RHOT1: variants seen among roughly 807,000 people sequenced by gnomAD.
RHOT1 encodes the protein ras homolog family member T1.
Under a neutral mutation model 95.3 loss-of-function variants are expected in RHOT1, and 27 were observed. The observed-to-expected ratio is 0.28, with a 90% CI of 0.21 to 0.39. The LOEUF (loss-of-function observed/expected upper bound fraction) is 0.39. Ranked by LOEUF, RHOT1 falls within the 10% of genes least tolerant of loss-of-function variation. RHOT1 has a pLI of 1.00. For synonymous variants in RHOT1, 227 were observed against 263.5 expected, an observed-to-expected ratio of 0.86 and a Z score of 1.34; for missense variants, 578 against 786.7, an observed-to-expected ratio of 0.73 and a Z score of 3.17.
intron 16 of RHOT1, among the ~76,000 whole-genome samples, chr17:32,206,265 G>C (rs2037726450): frequency 7.1e-6 from 1 of 141,156 alleles, no homozygotes; most frequent in Non-Finnish European, 1.5e-5. Flanking sequence ...GAATGCAGCG[G>C]CGTGATCTCG....
intron 1 of RHOT1, among the ~76,000 whole-genome samples, chr17:32,163,465 C>T (rs897842504): frequency 6.6e-6 from 1 of 152,210 alleles, no homozygotes; most frequent in African/African-American, 2.4e-5. Context: ...GGTGTGGTGG[C>T]TCACGCCTGG....
chr17:32,221,175 G>A (rs1275208834), intron 19 of RHOT1: 3 of 282,508 alleles, frequency 1.1e-5, no homozygotes, highest in South Asian at 1.4e-4. Context: ...CGAGACCATC[G>A]TGGCCAACAC....
intron 1 of RHOT1, among the ~76,000 whole-genome samples, chr17:32,170,012 T>TA (rs2034446348): frequency 6.7e-6 from 1 of 149,196 alleles, no homozygotes; most frequent in African/African-American, 2.5e-5. Flanking sequence ...GGACCCTGAA[T>TA]CAAAAAAAAA....
chr17:32,188,461 C>T (rs1396315855), intron 8 of RHOT1, among the ~76,000 whole-genome samples: 1 of 152,112 alleles, frequency 6.6e-6, no homozygotes, highest in Non-Finnish European at 1.5e-5. Flanking sequence ...TCTATAAAGT[C>T]ATAGGTTTGT....
At chr17:32,157,943 C>T (rs2033130225) in intron 1 of RHOT1, among the ~76,000 whole-genome samples, 1 of 152,204 alleles carries the variant, frequency 6.6e-6, no homozygotes. Context: ...TTTCATGGCT[C>T]ACTGCAGCCT....
chr17:32,190,289 A>G (rs898223694), intron 8 of RHOT1, among the ~76,000 whole-genome samples: 1 of 152,086 alleles, frequency 6.6e-6, no homozygotes, highest in African/African-American at 2.4e-5. Context: ...CCCCGTCTCT[A>G]CTAAAAATGT....
intron 19 of RHOT1, among the ~76,000 whole-genome samples, chr17:32,214,614 G>A (rs892814018): frequency 1.3e-5 from 2 of 152,172 alleles, no homozygotes; most frequent in African/African-American, 4.8e-5. Flanking sequence ...TTATTGGGTG[G>A]TGGGATGAGA....
At chr17:32,220,622 G>A (rs1391525710) in intron 19 of RHOT1, among the ~76,000 whole-genome samples, 1 of 152,036 alleles carries the variant, frequency 6.6e-6, no homozygotes, top group Admixed American at 6.6e-5. Flanking sequence ...ATCACTTGAG[G>A]TCAGGAGTTT....
At chr17:32,207,441 T>A (rs1337224837) in intron 17 of RHOT1, 4 of 158,500 alleles carry the variant, frequency 2.5e-5, no homozygotes, top group African/African-American at 9.6e-5. Flanking sequence ...ACTTAGGGAT[T>A]ATCAATAAGA....
chr17:32,220,062 CT>C (rs994109014), intron 19 of RHOT1, among the ~76,000 whole-genome samples: 17 of 152,100 alleles, frequency 1.1e-4, no homozygotes, highest in Non-Finnish European at 1.9e-4. Context: ...GAAAGATAGT[CT>C]TTTTTTTGTA....
At chr17:32,193,632 T>C (rs909676901) in intron 10 of RHOT1, among the ~76,000 whole-genome samples, 3 of 152,210 alleles carry the variant, frequency 2.0e-5, no homozygotes, top group Admixed American at 1.3e-4. Flanking sequence ...GAGAATATAT[T>C]ATAGAGGCAC....
intron 19 of RHOT1, among the ~76,000 whole-genome samples, chr17:32,223,767 T>C (rs2038979431): frequency 6.6e-6 from 1 of 152,212 alleles, no homozygotes; most frequent in Admixed American, 6.5e-5. Context: ...TAACTAAGAC[T>C]TCAGTGACAT....
chr17:32,192,522 GT>G (rs901088383), intron 9 of RHOT1, among the ~76,000 whole-genome samples: 2 of 151,928 alleles, frequency 1.3e-5, no homozygotes, highest in Admixed American at 6.6e-5. Flanking sequence ...TAAAGTGGGT[GT>G]GTTAAGGATG....
At chr17:32,190,460 A>C (rs1457495782) in intron 8 of RHOT1, among the ~76,000 whole-genome samples, 3 of 152,206 alleles carry the variant, frequency 2.0e-5, no homozygotes, top group African/African-American at 7.2e-5. Flanking sequence ...GTCTCAAAAA[A>C]AAAAGGAGAA....
intron 1 of RHOT1, 38 bp from the exon 2 acceptor site, chr17:32,171,005 C>G: frequency 6.7e-7 from 1 of 1,501,696 alleles, no homozygotes; most frequent in South Asian, 1.2e-5. Flanking sequence ...TATGTAGAAC[C>G]TAACACTTTA....
chr17:32,184,840 A>C (rs77509682), intron 8 of RHOT1, among the ~76,000 whole-genome samples: 152 of 152,188 alleles, frequency 1.0e-3, no homozygotes, highest in African/African-American at 3.6e-3. Context: ...ATATCTGTTG[A>C]TGCATATTGA....
chr17:32,189,824 C>T (rs1234973598), intron 8 of RHOT1, among the ~76,000 whole-genome samples: 1 of 150,866 alleles, frequency 6.6e-6, no homozygotes, highest in Non-Finnish European at 1.5e-5. Flanking sequence ...CCTCCGCCTC[C>T]CAGGTTCACA....
chr17:32,208,302 A>G lies in RHOT1; in HGVS notation c.1732A>G (p.Met578Val). ...DIFVKLTTMA[M>V]YPHARLRCMC... is the part of the protein sequence containing the mutation. ...CTTTGTTAAATTGACAACAATGGCC[A>G]TGTATCCGTAAGTACTTGCTGTCTT... The change falls in exon 18 of 20, where the codon ATG becomes GTG. Residue 578 changes from methionine to valine, a missense_variant. Met to Val is a conservative substitution (Grantham distance 21). This residue lies in a region of RHOT1 where 296 missense variants were observed against 338.5 expected (regional missense o/e 0.87). Transcript: ENST00000545287. 3 of 1,613,642 alleles carry G rather than the reference A, an allele frequency of 1.9e-6. No individual in the cohort carries two copies. Among genetic ancestry groups the G allele is most frequent in the Non-Finnish European group, 2.5e-6 (3 of 1,179,538 alleles).
chr17:32,146,950 G>A (rs1288451260), intron 1 of RHOT1, among the ~76,000 whole-genome samples: 1 of 139,156 alleles, frequency 7.2e-6, no homozygotes, highest in African/African-American at 2.7e-5. Context: ...CACTGTGTTG[G>A]CCAGGCTGGT....
Sources: allele counts gnomAD v4.1 joint callset (sites outside exome capture counted in the v4.1 genomes callset), GRCh38; gene constraint gnomAD v4.1.1; regional missense constraint gnomAD v4.1.1; transcripts MANE v1.5; gene names NCBI Gene and HGNC (gene_info 2026-07-23, HGNC 2026-07-21).